The following ARL15 variants were observed in gnomAD, a reference collection of about 807,000 sequenced individuals.
ARL15 encodes ADP-ribosylation factor-like protein 15.
ARL15 carries 19 observed loss-of-function variants against 25.2 expected under a neutral mutation model. The observed-to-expected ratio is 0.75, with a 90% CI of 0.53 to 1.10. The LOEUF (loss-of-function observed/expected upper bound fraction) is 1.10, where lower values mean the gene tolerates loss of function less well. Ranked by LOEUF, ARL15 falls within the 50% of genes least tolerant of loss-of-function variation. ARL15 has a pLI of 0.00. For missense variants in ARL15, 220 were observed against 246.0 expected, an observed-to-expected ratio of 0.89 and a Z score of 0.71; for synonymous variants, 94 against 86.8, an observed-to-expected ratio of 1.08 and a Z score of -0.46.
At chr5:54,044,240 A>ATTTTTT (rs1196537602) in intron 4 of ARL15, among the ~76,000 whole-genome samples, 1 of 128,738 alleles carries the variant, frequency 7.8e-6, no homozygotes, top group African/African-American at 3.0e-5. Context: ...CCATTATTTA[A>ATTTTTT]TTTTTTTTTT....
At chr5:54,002,685 C>T (rs538997370) in intron 4 of ARL15, among the ~76,000 whole-genome samples, 20 of 152,334 alleles carry the variant, frequency 1.3e-4, no homozygotes, top group African/African-American at 4.6e-4. Context: ...TCAGCATAAT[C>T]AGTAATTTTA....
At chr5:53,970,743 C>T (rs1429209681) in intron 4 of ARL15, among the ~76,000 whole-genome samples, 6 of 152,204 alleles carry the variant, frequency 3.9e-5, no homozygotes, top group Admixed American at 6.5e-5. Context: ...GGGCAGTTTA[C>T]TGTACAGCTT....
intron 4 of ARL15, 41 bp from the exon 5 acceptor site, chr5:53,886,754 A>G: frequency 6.7e-7 from 1 of 1,491,292 alleles, no homozygotes; most frequent in Middle Eastern, 1.9e-4. Context: ...TATTAATTAT[A>G]TCAGAAACTT....
intron 1 of ARL15, among the ~76,000 whole-genome samples, chr5:54,290,852 AATC>A (rs1242168901): frequency 1.3e-5 from 2 of 152,180 alleles, no homozygotes; most frequent in Non-Finnish European, 2.9e-5. Context: ...AAACCTTAGA[AATC>A]ATTGTTTAGG....
At chr5:54,041,579 C>T (rs146617651) in intron 4 of ARL15, among the ~76,000 whole-genome samples, 3 of 152,284 alleles carry the variant, frequency 2.0e-5, no homozygotes, top group African/African-American at 4.8e-5. Context: ...ACAAGTATGA[C>T]CTGGCTATTA....
At chr5:54,102,967 G>T (rs866152833) in intron 4 of ARL15, among the ~76,000 whole-genome samples, 2 of 152,180 alleles carry the variant, frequency 1.3e-5, no homozygotes, top group African/African-American at 4.8e-5. Flanking sequence ...GTTATTTTAT[G>T]GAGCTAGTTA....
chr5:54,253,082 T>C (rs1203894629), intron 1 of ARL15, among the ~76,000 whole-genome samples: 1 of 152,014 alleles, frequency 6.6e-6, no homozygotes, highest in Non-Finnish European at 1.5e-5. Context: ...ACAATTACAA[T>C]CATTGTTCAC....
intron 1 of ARL15, among the ~76,000 whole-genome samples, chr5:54,263,008 T>C (rs1287896253): frequency 3.3e-5 from 5 of 152,174 alleles, no homozygotes; most frequent in African/African-American, 9.7e-5. Context: ...GGTGGGAAAG[T>C]AGGATAACAA....
chr5:53,971,573 A>C (rs1273761197), intron 4 of ARL15, among the ~76,000 whole-genome samples: 1 of 151,566 alleles, frequency 6.6e-6, no homozygotes, highest in Non-Finnish European at 1.5e-5. Flanking sequence ...GCTATTTCTT[A>C]AAAAGGCATC....
chr5:54,074,481 A>G (rs1016784869), intron 4 of ARL15, among the ~76,000 whole-genome samples: 2 of 152,250 alleles, frequency 1.3e-5, no homozygotes, highest in African/African-American at 4.8e-5. Flanking sequence ...AAGAAGAATA[A>G]AGAAGATAAG....
chr5:54,085,440 GT>G (rs1224485666), intron 4 of ARL15, among the ~76,000 whole-genome samples: 1 of 152,228 alleles, frequency 6.6e-6, no homozygotes, highest in East Asian at 1.9e-4. Flanking sequence ...TTGAGAATAA[GT>G]TTTTTTAGAA....
At chr5:54,277,666 G>A (rs1757959783) in intron 1 of ARL15, among the ~76,000 whole-genome samples, 1 of 152,086 alleles carries the variant, frequency 6.6e-6, no homozygotes, top group African/African-American at 2.4e-5. Flanking sequence ...GCAGGAGAAT[G>A]GCGTGAACCC....
chr5:54,268,831 A>G (rs1299778063), intron 1 of ARL15, among the ~76,000 whole-genome samples: 1 of 152,202 alleles, frequency 6.6e-6, no homozygotes, highest in Non-Finnish European at 1.5e-5. Flanking sequence ...CAAATGTCCA[A>G]CGATGATATA....
At chr5:54,000,840 T>C (rs750017235) in intron 4 of ARL15, among the ~76,000 whole-genome samples, 5 of 152,130 alleles carry the variant, frequency 3.3e-5, no homozygotes, top group Non-Finnish European at 5.9e-5. Context: ...TGCTGACATA[T>C]TAGATTTCAC....
chr5:54,226,910 T>C (rs1244134386), intron 1 of ARL15, among the ~76,000 whole-genome samples: 7 of 152,134 alleles, frequency 4.6e-5, no homozygotes, highest in Admixed American at 2.6e-4. Context: ...CATTCTGTTC[T>C]CATGGTAGTG....
At chr5:54,221,079 T>TC (rs1756360940) in intron 1 of ARL15, among the ~76,000 whole-genome samples, 1 of 152,190 alleles carries the variant, frequency 6.6e-6, no homozygotes. Context: ...GGAAAGAATC[T>TC]CCACCTTTTA....
chr5:53,904,559 T>C (rs1373109440), intron 4 of ARL15, among the ~76,000 whole-genome samples: 2 of 152,288 alleles, frequency 1.3e-5, no homozygotes, highest in Admixed American at 6.5e-5. Flanking sequence ...CTTTAACTTA[T>C]AGTTCCATTT....
At chr5:54,206,713 T>A (rs1467563619) in intron 1 of ARL15, among the ~76,000 whole-genome samples, 2 of 152,162 alleles carry the variant, frequency 1.3e-5, no homozygotes, top group Non-Finnish European at 2.9e-5. Flanking sequence ...GAACTTGATT[T>A]GTCATAGAAA....
intron 4 of ARL15, among the ~76,000 whole-genome samples, chr5:54,100,794 AC>A (rs1752413299): frequency 6.6e-6 from 1 of 152,040 alleles, no homozygotes; most frequent in African/African-American, 2.4e-5. Context: ...GGCATTTCTA[AC>A]CTTTTGACAT....
Sources: allele counts gnomAD v4.1 joint callset (sites outside exome capture counted in the v4.1 genomes callset), GRCh38; gene constraint gnomAD v4.1.1; transcripts MANE v1.5; gene names NCBI Gene and HGNC (gene_info 2026-07-23, HGNC 2026-07-21).